PLCL2: variants seen among roughly 807,000 people sequenced by gnomAD.
PLCL2 encodes phospholipase C like 2.
Under a neutral mutation model 79.6 loss-of-function variants are expected in PLCL2, and 4 were observed. That is an observed-to-expected ratio of 0.05 (90% CI 0.02 to 0.11). The LOEUF is 0.11. Ranked by LOEUF, PLCL2 falls within the 10% of genes least tolerant of loss-of-function variation. The pLI is 1.00. For synonymous variants in PLCL2, 484 were observed against 457.7 expected, an observed-to-expected ratio of 1.06 and a Z score of -0.73; for missense variants, 895 against 1,291.0, an observed-to-expected ratio of 0.69 and a Z score of 4.70.
At chr3:16,905,372 T>G (rs1696726763) in intron 1 of PLCL2, among the ~76,000 whole-genome samples, 1 of 152,236 alleles carries the variant, frequency 6.6e-6, no homozygotes, top group Admixed American at 6.5e-5. Context: ...CAAAGCTGAT[T>G]GGCTGTCAAA....
At chr3:16,969,905 T>C (rs568472674) in intron 1 of PLCL2, among the ~76,000 whole-genome samples, 3 of 152,026 alleles carry the variant, frequency 2.0e-5, no homozygotes, top group East Asian at 3.9e-4. Flanking sequence ...GTATGTTCTA[T>C]CTTTGTTCTC....
intron 1 of PLCL2, among the ~76,000 whole-genome samples, chr3:17,005,797 G>A (rs565341183): frequency 1.3e-5 from 2 of 152,120 alleles, no homozygotes; most frequent in Non-Finnish European, 1.5e-5. Context: ...TTGGAAGCCG[G>A]TTTTCTTGCA....
chr3:16,984,479 G>C (rs958221357), intron 1 of PLCL2, among the ~76,000 whole-genome samples: 1 of 152,028 alleles, frequency 6.6e-6, no homozygotes, highest in African/African-American at 2.4e-5. Context: ...TTTTTATATG[G>C]ATCTTTTCAG....
chr3:17,011,079 G>A lies in PLCL2; in HGVS notation c.1733G>A (p.Gly578Glu). Residue 578 changes from glycine (G) to glutamate (E), a missense_variant, in exon 2 of 6, where the codon GGG (glycine) becomes GAG (glutamate). Gly to Glu is a moderately conservative substitution (Grantham distance 98). Around this residue, in one of 6 missense-constraint regions of PLCL2, gnomAD observed 242 missense variants for 399.5 expected, o/e 0.61. Transcript: ENST00000615277. The surrounding 1 kb of genome is among the most constrained non-coding windows in gnomAD (Gnocchi z 7.9). Reference protein sequence around the residue: ...KAKKLSSNCSGVEGDVTDEDE... With the variant: ...KAKKLSSNCSEVEGDVTDEDE... Reference sequence around the variant, plus strand: ...AAGAAGCTGTCCTCAAATTGCTCTGGGGTAGAAGGAGATGTTACTGACGAA... The same window carrying A: ...AAGAAGCTGTCCTCAAATTGCTCTGAGGTAGAAGGAGATGTTACTGACGAA... The A allele has an allele frequency of 6.2e-7, 1 of 1,614,044 alleles. No homozygotes were observed. Among genetic ancestry groups the A allele is most frequent in the East Asian group, 2.2e-5 (1 of 44,828 alleles).
In PLCL2 at chr3:17,090,580, A is replaced by C. The variant is rs2065262738; in HGVS notation, c.*668A>C. On this transcript the variant is annotated 3_prime_UTR_variant, in exon 6 of 6. Coordinates refer to ENST00000615277, the MANE Select transcript of PLCL2 (RefSeq NM_001144382.2). ...TGTATGAAGTAGTGTTCACATTAAA[A>C]AGATGTTTTATGATATTTCTCCAAT... The C allele has an allele frequency of 6.6e-6, 1 of 152,416 alleles. No homozygotes were observed. The highest frequency in any genetic ancestry group is 6.5e-5 in the Admixed American group (1 of 15,294). The allele number at this position is 152,416 out of a possible 1,614,324, so 9.4% of individuals were successfully genotyped here.
At chr3:17,052,057 C>T (rs993124669) in intron 4 of PLCL2, among the ~76,000 whole-genome samples, 1 of 151,992 alleles carries the variant, frequency 6.6e-6, no homozygotes, top group African/African-American at 2.4e-5. Context: ...ATAGAGAGGA[C>T]ATCATACATG....
chr3:16,910,001 T>C (rs1696840037), intron 1 of PLCL2, among the ~76,000 whole-genome samples: 1 of 152,180 alleles, frequency 6.6e-6, no homozygotes, highest in Non-Finnish European at 1.5e-5. Flanking sequence ...TGCCCAAAGC[T>C]GATCTCTCCA....
intron 4 of PLCL2, among the ~76,000 whole-genome samples, chr3:17,044,929 G>A (rs1480731005): frequency 6.6e-6 from 1 of 152,174 alleles, no homozygotes; most frequent in Non-Finnish European, 1.5e-5. Flanking sequence ...GATGGGGGGA[G>A]AATAACCACT....
chr3:16,894,824 T>C (rs1276237952), intron 1 of PLCL2, among the ~76,000 whole-genome samples: 1 of 152,146 alleles, frequency 6.6e-6, no homozygotes, highest in Non-Finnish European at 1.5e-5. Context: ...AAAAATGGTA[T>C]GTAGGACTTA....
chr3:17,084,331 G>C (rs1198175521), intron 5 of PLCL2, among the ~76,000 whole-genome samples: 1 of 152,082 alleles, frequency 6.6e-6, no homozygotes, highest in African/African-American at 2.4e-5. Flanking sequence ...GCACAGATAG[G>C]TTCACTGGTT....
chr3:17,001,966 C>A (rs527310528), intron 1 of PLCL2, among the ~76,000 whole-genome samples: 1 of 151,964 alleles, frequency 6.6e-6, no homozygotes, highest in East Asian at 1.9e-4. Context: ...AATATTAATT[C>A]TTGTAATGCA....
At chr3:17,063,670 C>A (rs1222358818) in intron 4 of PLCL2, among the ~76,000 whole-genome samples, 1 of 152,060 alleles carries the variant, frequency 6.6e-6, no homozygotes, top group Non-Finnish European at 1.5e-5. Context: ...TGACAAGTTC[C>A]CCCAGACCCT....
chr3:16,929,805 C>T (rs1035083763), intron 1 of PLCL2, among the ~76,000 whole-genome samples: 1 of 152,230 alleles, frequency 6.6e-6, no homozygotes, highest in African/African-American at 2.4e-5. Context: ...GAAGGTGCTG[C>T]ATGCATACAT....
chr3:17,008,773 A>G, intron 1 of PLCL2, among the ~76,000 whole-genome samples: 1 of 152,168 alleles, frequency 6.6e-6, no homozygotes, highest in East Asian at 1.9e-4. Flanking sequence ...ATTTTTAATC[A>G]GGGAATCCTG....
At chr3:17,083,760 A>G (rs1296193225) in intron 5 of PLCL2, among the ~76,000 whole-genome samples, 3 of 152,200 alleles carry the variant, frequency 2.0e-5, no homozygotes, top group Non-Finnish European at 4.4e-5. Context: ...AAAGGGAAGA[A>G]TGAATAATGA....
At chr3:17,037,977 T>C (rs1228368137) in intron 3 of PLCL2, among the ~76,000 whole-genome samples, 4 of 152,178 alleles carry the variant, frequency 2.6e-5, no homozygotes, top group African/African-American at 7.2e-5. Flanking sequence ...AGAAGTTTAC[T>C]TTACACTAAC....
Position 17,010,169 on chromosome 3 carries a change from A to C in PLCL2, c.823A>C (p.Met275Leu), listed in dbSNP as rs771608626. ...CATGAGGACTTCTTGGGTTTCACAA[A>C]TGTTTAGTGAAATTGATGTAGATAA... The part of the protein sequence containing the change: ...DNMRTSWVSQ[M>L]FSEIDVDNLG... Residue 275 changes from methionine (M) to leucine (L), a missense_variant, in exon 2 of 6, where the codon ATG (methionine) becomes CTG (leucine). Transcript: ENST00000615277. The surrounding 1 kb of genome is among the most constrained non-coding windows in gnomAD (Gnocchi z 5.8). 2 of 1,613,876 alleles carry C rather than the reference A, an allele frequency of 1.2e-6. No individual in the cohort carries two copies. The highest frequency in any genetic ancestry group is 1.7e-6 in the Non-Finnish European group (2 of 1,179,884).
At chr3:16,986,403 C>CT (rs775249534) in intron 1 of PLCL2, among the ~76,000 whole-genome samples, 2 of 151,926 alleles carry the variant, frequency 1.3e-5, no homozygotes, top group African/African-American at 2.4e-5. Context: ...CCTAGAGGTT[C>CT]TTTTTTTCTT....
chr3:16,935,405 A>G (rs1032020729), intron 1 of PLCL2, among the ~76,000 whole-genome samples: 1 of 152,074 alleles, frequency 6.6e-6, no homozygotes, highest in Non-Finnish European at 1.5e-5. Flanking sequence ...TATTTTGTTC[A>G]TGCTTTATGC....
Sources: allele counts gnomAD v4.1 joint callset (sites outside exome capture counted in the v4.1 genomes callset), GRCh38; gene constraint gnomAD v4.1.1; regional missense constraint gnomAD v4.1.1; non-coding constraint Gnocchi (gnomAD v3.1); transcripts MANE v1.5; gene names NCBI Gene and HGNC (gene_info 2026-07-23, HGNC 2026-07-21).